Variants in PPP4R4 observed in about 807,000 individuals in gnomAD.
PPP4R4 encodes protein phosphatase 4 regulatory subunit 4.
Under a neutral mutation model 121.8 loss-of-function variants are expected in PPP4R4, and 70 were observed. The ratio of observed to expected loss-of-function variants is 0.57; its 90% confidence interval spans 0.47 to 0.70. The LOEUF (loss-of-function observed/expected upper bound fraction) is 0.70. Among genes scored for constraint, PPP4R4 ranks in the 30% least tolerant of loss-of-function variants. The pLI, the probability that PPP4R4 is intolerant of heterozygous loss-of-function variation, is 0.00. For synonymous variants in PPP4R4, 348 were observed against 355.7 expected, an observed-to-expected ratio of 0.98 and a Z score of 0.24; for missense variants, 875 against 1,033.6, an observed-to-expected ratio of 0.85 and a Z score of 2.10.
At chr14:94,271,250 A>G (rs1894313690) in intron 23 of PPP4R4, among the ~76,000 whole-genome samples, 1 of 152,206 alleles carries the variant, frequency 6.6e-6, no homozygotes, top group African/African-American at 2.4e-5. Flanking sequence ...CAAGATCACA[A>G]ATGTGAAAAT....
At chr14:94,235,184 G>A (rs998653090) in intron 7 of PPP4R4, among the ~76,000 whole-genome samples, 1 of 151,994 alleles carries the variant, frequency 6.6e-6, no homozygotes, top group African/African-American at 2.4e-5. Flanking sequence ...ATGCTGTATT[G>A]TTCAGGAAAT....
intron 3 of PPP4R4, among the ~76,000 whole-genome samples, chr14:94,228,968 G>C (rs1013834126): frequency 6.6e-6 from 1 of 152,128 alleles, no homozygotes; most frequent in Non-Finnish European, 1.5e-5. Context: ...TTTGAGTAGA[G>C]GCTTGAAAGA....
At chr14:94,188,121 C>A (rs955670261) in intron 2 of PPP4R4, among the ~76,000 whole-genome samples, 1 of 151,934 alleles carries the variant, frequency 6.6e-6, no homozygotes, top group Non-Finnish European at 1.5e-5. Flanking sequence ...TTCCTCTATT[C>A]CTAATTTGCT....
At chr14:94,178,134 TG>T (rs796077864) in intron 2 of PPP4R4, among the ~76,000 whole-genome samples, 6 of 152,274 alleles carry the variant, frequency 3.9e-5, no homozygotes, top group African/African-American at 1.4e-4. Context: ...GGGACAGGAT[TG>T]TTTCATAGAG....
intron 13 of PPP4R4, among the ~76,000 whole-genome samples, chr14:94,246,017 A>T (rs1892875038): frequency 6.6e-6 from 1 of 152,180 alleles, no homozygotes; most frequent in South Asian, 2.1e-4. Flanking sequence ...GTAACCTAAG[A>T]AAAGGGTAGG....
chr14:94,261,170 AC>A (rs1893767277), intron 19 of PPP4R4, among the ~76,000 whole-genome samples: 1 of 152,120 alleles, frequency 6.6e-6, no homozygotes, highest in African/African-American at 2.4e-5. Context: ...GCAATACCAA[AC>A]TGTCTTGATC....
rs1567115508 is a variant in PPP4R4, at chr14:94,208,566, A to G, written c.294A>G (p.Arg98=). ...ETLRRVLPKV[R]EALHVAGVEM... is the part of the protein sequence containing the mutation. ...TTCGGAGAGTGTTGCCAAAAGTCAG[A>G]GTAAGTTGGTATGAAATAAGATTGG... Residue 98 remains arginine, a splice_region_variant and synonymous_variant, in exon 3 of 25, where the codon AGA becomes AGG. Coordinates refer to ENST00000304338, the MANE Select transcript of PPP4R4 (RefSeq NM_058237.2). 2 of 1,597,168 alleles carry G rather than the reference A, an allele frequency of 1.3e-6. No homozygotes were observed. The highest frequency in any genetic ancestry group is 1.7e-6 in the Non-Finnish European group (2 of 1,166,040).
At chr14:94,181,706 A>G (rs951568643) in intron 2 of PPP4R4, among the ~76,000 whole-genome samples, 9 of 152,092 alleles carry the variant, frequency 5.9e-5, no homozygotes, top group Non-Finnish European at 1.5e-5. Flanking sequence ...ATGATTTTCT[A>G]CTTGTGTTTT....
intron 2 of PPP4R4, among the ~76,000 whole-genome samples, chr14:94,194,162 G>T (rs1889742833): frequency 6.6e-6 from 1 of 152,206 alleles, no homozygotes; most frequent in African/African-American, 2.4e-5. Flanking sequence ...TTAATTTAGA[G>T]TTTAAAAGAT....
chr14:94,224,474 A>G (rs912403162), intron 3 of PPP4R4, among the ~76,000 whole-genome samples: 8 of 152,148 alleles, frequency 5.3e-5, no homozygotes, highest in Non-Finnish European at 1.2e-4. Flanking sequence ...GATTAAAGAA[A>G]TAGACAACAA....
chr14:94,180,608 T>C (rs547388023), intron 2 of PPP4R4, among the ~76,000 whole-genome samples: 1 of 150,018 alleles, frequency 6.7e-6, no homozygotes, highest in Non-Finnish European at 1.5e-5. Context: ...TTTTTTTTTT[T>C]TTTTTCTTTT....
chr14:94,220,208 G>A (rs760165665), intron 3 of PPP4R4, among the ~76,000 whole-genome samples: 17 of 152,082 alleles, frequency 1.1e-4, no homozygotes, highest in African/African-American at 3.6e-4. Context: ...GCAGCAGAGC[G>A]AGACTCCATC....
chr14:94,177,472 T>C (rs568696122), intron 2 of PPP4R4, among the ~76,000 whole-genome samples: 1 of 152,368 alleles, frequency 6.6e-6, no homozygotes, highest in South Asian at 2.1e-4. Flanking sequence ...GAACAATAGA[T>C]GTCAACATTT....
At chr14:94,238,129 C>A (rs1358921418) in intron 8 of PPP4R4, among the ~76,000 whole-genome samples, 2 of 152,230 alleles carry the variant, frequency 1.3e-5, no homozygotes, top group Admixed American at 1.3e-4. Context: ...CCCACGAGAG[C>A]TAACCCAGTC....
At chr14:94,267,607 G>A (rs958866870) in intron 23 of PPP4R4, among the ~76,000 whole-genome samples, 1 of 152,142 alleles carries the variant, frequency 6.6e-6, no homozygotes, top group African/African-American at 2.4e-5. Flanking sequence ...ACTGTAATTT[G>A]CTGGCCTCTG....
In PPP4R4 at chr14:94,264,813, C is replaced by A. The variant is rs1319122470; in HGVS notation, c.2128-65C>A. 13 of 1,255,542 alleles carry A rather than the reference C, an allele frequency of 1.0e-5. No individual in the cohort carries two copies. The African/African-American group carries it at 1.7e-4, about 16-fold the overall frequency. 77.8% of individuals were successfully genotyped at this position (1,255,542 alleles called of 1,614,324 possible). A position where few individuals can be genotyped will look rare whatever the true frequency, so the allele number is the denominator to read the frequency against. ...TACTTGAATCTCTAATGCTTAATTT[C>A]TCAGAACAATTTTCTAGACCTACTT... On this transcript the variant is annotated intron_variant, in intron 19 of 24. Transcript: ENST00000304338.
intron 2 of PPP4R4, among the ~76,000 whole-genome samples, chr14:94,178,351 G>GTT (rs1888791339): frequency 6.7e-6 from 1 of 150,264 alleles, no homozygotes; most frequent in South Asian, 2.1e-4. Context: ...TATATAACAT[G>GTT]TTATATATAT....
chr14:94,229,880 A>G (rs1328451319), intron 3 of PPP4R4, among the ~76,000 whole-genome samples: 4 of 152,204 alleles, frequency 2.6e-5, no homozygotes, highest in African/African-American at 9.7e-5. Context: ...AGAGAAGTAC[A>G]GTAATATCTT....
At chr14:94,215,455 A>G (rs181483658) in intron 3 of PPP4R4, among the ~76,000 whole-genome samples, 1 of 152,342 alleles carries the variant, frequency 6.6e-6, no homozygotes, top group African/African-American at 2.4e-5. Flanking sequence ...AGATAAGCAT[A>G]ATAAGCAGAT....
Sources: allele counts gnomAD v4.1 joint callset (sites outside exome capture counted in the v4.1 genomes callset), GRCh38; gene constraint gnomAD v4.1.1; transcripts MANE v1.5; gene names NCBI Gene and HGNC (gene_info 2026-07-23, HGNC 2026-07-21).